SIL1: variants seen among roughly 807,000 people sequenced by gnomAD.
SIL1 encodes SIL1 nucleotide exchange factor.
Under a neutral mutation model 49.1 loss-of-function variants are expected in SIL1, and 40 were observed. The ratio of observed to expected loss-of-function variants is 0.81; its 90% confidence interval spans 0.63 to 1.06. SIL1 has a LOEUF of 1.06. SIL1 is among the 50% of genes least tolerant of loss of function. The pLI, the probability that SIL1 is intolerant of heterozygous loss-of-function variation, is 0.00. For synonymous variants in SIL1, 253 were observed against 250.8 expected (o/e 1.01, Z -0.08); for missense variants, 500 against 572.6 (o/e 0.87, Z 1.29).
At chr5:139,127,505 CA>C (rs1750776761) in intron 2 of SIL1, among the ~76,000 whole-genome samples, 2 of 107,608 alleles carry the variant, frequency 1.9e-5, no homozygotes, top group African/African-American at 5.8e-5. Flanking sequence ...ATGAATTTAT[CA>C]TCATCATCAT....
intron 9 of SIL1, among the ~76,000 whole-genome samples, chr5:138,950,348 A>G (rs1766740888): frequency 6.6e-6 from 1 of 152,242 alleles, no homozygotes; most frequent in African/African-American, 2.4e-5. Flanking sequence ...AGAGAGAAAC[A>G]GGCAAAGACA....
intron 7 of SIL1, among the ~76,000 whole-genome samples, chr5:138,980,970 C>T (rs766712688): frequency 2.0e-4 from 30 of 152,032 alleles, no homozygotes; most frequent in Non-Finnish European, 2.8e-4. Flanking sequence ...TTAGGGAGGC[C>T]GAGGCAGGCG....
chr5:139,100,522 A>G (rs940619241), intron 3 of SIL1, among the ~76,000 whole-genome samples: 1 of 152,252 alleles, frequency 6.6e-6, no homozygotes, highest in Non-Finnish European at 1.5e-5. Context: ...AAGCACAGGA[A>G]GGCATGGTAG....
At chr5:139,053,004 G>A (rs1769327486) in intron 3 of SIL1, among the ~76,000 whole-genome samples, 1 of 152,130 alleles carries the variant, frequency 6.6e-6, no homozygotes, top group South Asian at 2.1e-4. Flanking sequence ...AGAGGAGGCT[G>A]AATACTGGCA....
intron 6 of SIL1, among the ~76,000 whole-genome samples, chr5:139,024,055 T>C (rs1255501506): frequency 6.6e-6 from 1 of 152,134 alleles, no homozygotes; most frequent in Non-Finnish European, 1.5e-5. Context: ...ACAAAGAACT[T>C]TGTTGGGGCA....
At chr5:139,044,823 A>G (rs1361610104) in intron 4 of SIL1, among the ~76,000 whole-genome samples, 1 of 152,048 alleles carries the variant, frequency 6.6e-6, no homozygotes, top group Non-Finnish European at 1.5e-5. Context: ...TTATCCTGCC[A>G]TTTCCCTGCT....
intron 3 of SIL1, among the ~76,000 whole-genome samples, chr5:139,056,857 C>T (rs1409805650): frequency 2.0e-5 from 3 of 151,552 alleles, no homozygotes; most frequent in Non-Finnish European, 4.4e-5. Context: ...ATGACAATGG[C>T]GGTTTTGTGG....
chr5:139,095,003 C>T (rs1292106862), intron 3 of SIL1, among the ~76,000 whole-genome samples: 1 of 152,102 alleles, frequency 6.6e-6, no homozygotes, highest in Non-Finnish European at 1.5e-5. Context: ...AGGAAGAATA[C>T]CACAAAGGTA....
intron 1 of SIL1, among the ~76,000 whole-genome samples, chr5:139,167,849 A>G (rs1307014451): frequency 6.6e-6 from 1 of 151,702 alleles, no homozygotes; most frequent in Non-Finnish European, 1.5e-5. Flanking sequence ...ACTACTTTTT[A>G]TTTTTTCTCT....
chr5:138,966,745 G>T (rs896170749), intron 7 of SIL1, among the ~76,000 whole-genome samples: 1 of 152,162 alleles, frequency 6.6e-6, no homozygotes, highest in African/African-American at 2.4e-5. Context: ...ACAACTCAAT[G>T]AGGCAGACAC....
At chr5:139,156,243 T>C (rs1397122131) in intron 1 of SIL1, among the ~76,000 whole-genome samples, 3 of 152,208 alleles carry the variant, frequency 2.0e-5, no homozygotes, top group African/African-American at 7.2e-5. Flanking sequence ...GGCAATTTAG[T>C]ACAGAATATT....
At chr5:139,046,186 G>T (rs1394483858) in intron 4 of SIL1, among the ~76,000 whole-genome samples, 1 of 152,208 alleles carries the variant, frequency 6.6e-6, no homozygotes, top group Admixed American at 6.5e-5. Flanking sequence ...AATTGGCTGG[G>T]TGTGGTGGCA....
intron 3 of SIL1, among the ~76,000 whole-genome samples, chr5:139,079,877 CTT>C (rs200963153): frequency 1.3e-5 from 2 of 152,174 alleles, no homozygotes; most frequent in African/African-American, 4.8e-5. Flanking sequence ...TTTACAATGA[CTT>C]TTTTCTTCCC....
At chr5:139,163,238 C>A (rs148044226) in intron 1 of SIL1, among the ~76,000 whole-genome samples, 144 of 152,114 alleles carry the variant, frequency 9.5e-4, no homozygotes, top group African/African-American at 3.4e-3. Flanking sequence ...GTGACGTGCT[C>A]CTTAAGAAAT....
chr5:139,174,615 G>GT (rs1751840385), intron 1 of SIL1, among the ~76,000 whole-genome samples: 3 of 151,752 alleles, frequency 2.0e-5, no homozygotes, highest in Non-Finnish European at 2.9e-5. Flanking sequence ...ACCAGCCTGG[G>GT]CAGTACAGCA....
intron 7 of SIL1, chr5:139,012,762 G>A (rs1385321298): frequency 6.6e-6 from 1 of 152,188 alleles, no homozygotes; most frequent in Non-Finnish European, 1.5e-5. Flanking sequence ...AAGCCCAGGA[G>A]TTTAAGATCA....
rs563414935 is a variant in SIL1 at position 138,947,415 on chromosome 5, T to G, written c.1088A>C (p.Gln363Pro). ...TQEMSPEKLQQYRQVHLLPGL... is the reference protein window; with the variant it reads ...TQEMSPEKLQPYRQVHLLPGL... ...TGGCAGGAGGTGTACCTGGCGATAC[T>G]GCTGCAGCTTCTCTGGGGACATCTC... Residue 363 changes from glutamine to proline, a missense_variant, in exon 10 of 10, where the codon CAG (glutamine) becomes CCG (proline). By Grantham distance (76) the Gln-to-Pro change is moderately conservative. Transcript: ENST00000394817. This position sits in a 1 kb window ranked among gnomAD's most constrained non-coding sequence, Gnocchi z 4.1. 200 of 1,613,522 alleles carry G rather than the reference T, an allele frequency of 1.2e-4. No individual in the cohort carries two copies. The highest frequency in any genetic ancestry group is 1.6e-4 in the Non-Finnish European group (192 of 1,180,038).
intron 1 of SIL1, among the ~76,000 whole-genome samples, chr5:139,184,872 C>A (rs1029426400): frequency 1.3e-5 from 2 of 152,176 alleles, no homozygotes; most frequent in Non-Finnish European, 2.9e-5. Flanking sequence ...TCTACAGCGA[C>A]TGGGTCCAGT....
chr5:139,041,226 CACCAAG>C (rs1769041413), intron 5 of SIL1, among the ~76,000 whole-genome samples: 1 of 152,192 alleles, frequency 6.6e-6, no homozygotes, highest in Non-Finnish European at 1.5e-5. Context: ...CTGCTGCTGC[CACCAAG>C]CCACGTGCCC....
Sources: allele counts gnomAD v4.1 joint callset (sites outside exome capture counted in the v4.1 genomes callset), GRCh38; gene constraint gnomAD v4.1.1; non-coding constraint Gnocchi (gnomAD v3.1); transcripts MANE v1.5; gene names NCBI Gene and HGNC (gene_info 2026-07-23, HGNC 2026-07-21).